The following EYA2 variants were observed in gnomAD, a reference collection of about 807,000 sequenced individuals.
EYA2 encodes protein phosphatase EYA2.
EYA2 carries 31 observed loss-of-function variants against 69.2 expected under a neutral mutation model. That is an observed-to-expected ratio of 0.45 (90% CI 0.34 to 0.60). EYA2 has a LOEUF of 0.60. Ranked by LOEUF, EYA2 falls within the 20% of genes least tolerant of loss-of-function variation. The pLI is 0.02. For missense variants in EYA2, 622 were observed against 701.2 expected, an observed-to-expected ratio of 0.89 and a Z score of 1.28; for synonymous variants, 257 against 279.4, an observed-to-expected ratio of 0.92 and a Z score of 0.80.
chr20:46,930,803 T>C (rs922847125), intron 1 of EYA2, among the ~76,000 whole-genome samples: 5 of 152,224 alleles, frequency 3.3e-5, no homozygotes, highest in Non-Finnish European at 5.9e-5. Context: ...TTTGGACGCG[T>C]TGACTCTGTG....
chr20:46,931,908 A>G (rs537069982), intron 1 of EYA2, among the ~76,000 whole-genome samples: 10 of 151,662 alleles, frequency 6.6e-5, no homozygotes, highest in African/African-American at 2.4e-4. Context: ...GTCTTTGCAC[A>G]TGGAAGAGAT....
chr20:46,992,808 C>A (rs768450813), intron 2 of EYA2, among the ~76,000 whole-genome samples: 2 of 152,194 alleles, frequency 1.3e-5, no homozygotes, highest in African/African-American at 2.4e-5. Context: ...CACACACTTT[C>A]TTTCTCATGG....
At chr20:47,173,249 A>G (rs2034361576) in intron 12 of EYA2, among the ~76,000 whole-genome samples, 1 of 151,998 alleles carries the variant, frequency 6.6e-6, no homozygotes, top group Non-Finnish European at 1.5e-5. Context: ...GGCCTAGCAA[A>G]TCTGAAACTC....
At chr20:46,970,212 C>T (rs188215453) in intron 1 of EYA2, among the ~76,000 whole-genome samples, 62 of 152,288 alleles carry the variant, frequency 4.1e-4, no homozygotes, top group Non-Finnish European at 6.5e-4. Flanking sequence ...AAATCCAGAG[C>T]GAATGTGAAT....
intron 5 of EYA2, among the ~76,000 whole-genome samples, chr20:47,033,979 G>A (rs1353481293): frequency 3.3e-5 from 5 of 152,230 alleles, no homozygotes. Flanking sequence ...GTCACATAGT[G>A]AGGAAGTCAT....
intron 1 of EYA2, among the ~76,000 whole-genome samples, chr20:46,963,414 C>A (rs1377098403): frequency 6.6e-6 from 1 of 152,188 alleles, no homozygotes; most frequent in East Asian, 1.9e-4. Context: ...CCGTGCCAAG[C>A]CCTGGGGACA....
chr20:47,147,393 G>A (rs959413996), intron 10 of EYA2, among the ~76,000 whole-genome samples: 1 of 152,172 alleles, frequency 6.6e-6, no homozygotes, highest in Admixed American at 6.5e-5. Context: ...AGGAGGTGGA[G>A]GAGGAGGCCA....
At chr20:47,087,400 C>A (rs1228530623) in intron 7 of EYA2, among the ~76,000 whole-genome samples, 5 of 152,160 alleles carry the variant, frequency 3.3e-5, no homozygotes, top group Non-Finnish European at 5.9e-5. Context: ...GGGATGTCCT[C>A]GAAGGTTCAC....
chr20:46,910,585 G>A (rs1315644996), intron 1 of EYA2, among the ~76,000 whole-genome samples: 1 of 152,212 alleles, frequency 6.6e-6, no homozygotes, highest in African/African-American at 2.4e-5. Flanking sequence ...ATCACTAGGA[G>A]TAGAAGGGTT....
At chr20:47,002,552 CTGCATAGTATTCTATGGT>C (rs1982446395) in intron 3 of EYA2, among the ~76,000 whole-genome samples, 1 of 152,234 alleles carries the variant, frequency 6.6e-6, no homozygotes, top group Non-Finnish European at 1.5e-5. Flanking sequence ...CTTTTTATGG[CTGCATAGTATTCTATGGT>C]GTATCTGTAC....
At chr20:46,986,525 T>C (rs1981229364) in intron 1 of EYA2, among the ~76,000 whole-genome samples, 1 of 134,482 alleles carries the variant, frequency 7.4e-6, no homozygotes, top group African/African-American at 2.7e-5. Flanking sequence ...AGCTGATTTG[T>C]GTATTAGCCC....
chr20:47,179,363 T>C lies in EYA2; in HGVS notation c.1199-435T>C, dbSNP rs141784479. ...ATTGATGGGTGGGTGGGTGGATAGA[T>C]GGATGGTTGGATATTGGGTGGATGG... On this transcript the variant is annotated intron_variant, in intron 12 of 15. Transcript: ENST00000327619. 4.8e-3 allele frequency among the ~76,000 whole-genome samples: 602 copies of C among 124,138 alleles called. 9 individuals are homozygous for C. The highest frequency in any genetic ancestry group is 0.018 in the African/African-American group (579 of 31,474). The allele number at this position is 124,138 out of a possible 152,430, so 81.4% of individuals were successfully genotyped here.
At chr20:47,133,947 A>G (rs1358620417) in intron 9 of EYA2, among the ~76,000 whole-genome samples, 1 of 152,246 alleles carries the variant, frequency 6.6e-6, no homozygotes, top group African/African-American at 2.4e-5. Context: ...AGCCTAAACT[A>G]TCTCAAGTGG....
Position 47,052,058 on chromosome 20 carries a change from C to T in EYA2, c.416-20127C>T, listed in dbSNP as rs577575370. Reference sequence around the variant, plus strand: ...GAACAAAACAGATACTCCTTTTTTTCCCCCCAGAAATTATTTCTTGAGAGC... The same window carrying T: ...GAACAAAACAGATACTCCTTTTTTTTCCCCCAGAAATTATTTCTTGAGAGC... On this transcript the variant is annotated intron_variant, in intron 5 of 15. Coordinates refer to ENST00000327619, the MANE Select transcript of EYA2 (RefSeq NM_005244.5). Among the ~76,000 whole-genome samples, 120 of 151,954 alleles carry T rather than the reference C, an allele frequency of 7.9e-4. 1 individual carries two copies. Among genetic ancestry groups the T allele is most frequent in the African/African-American group, 1.3e-3 (54 of 41,464 alleles).
intron 2 of EYA2, among the ~76,000 whole-genome samples, chr20:46,990,501 A>G (rs776360840): frequency 1.3e-5 from 2 of 152,192 alleles, no homozygotes; most frequent in Admixed American, 1.3e-4. Context: ...CCCTTGTCCA[A>G]GCAGGCGTCT....
At chr20:47,173,101 C>T (rs190240512) in intron 12 of EYA2, among the ~76,000 whole-genome samples, 176 of 152,214 alleles carry the variant, frequency 1.2e-3, no homozygotes, top group African/African-American at 4.1e-3. Flanking sequence ...TCCTTCAGGC[C>T]ACAAATGGCG....
At chr20:46,995,556 T>G (rs1014151116) in intron 2 of EYA2, among the ~76,000 whole-genome samples, 1 of 152,150 alleles carries the variant, frequency 6.6e-6, no homozygotes, top group African/African-American at 2.4e-5. Flanking sequence ...GGGAGTGATT[T>G]AAATCACCCA....
chr20:47,132,429 CT>C (rs2033364871), intron 9 of EYA2, among the ~76,000 whole-genome samples: 1 of 152,202 alleles, frequency 6.6e-6, no homozygotes, highest in Non-Finnish European at 1.5e-5. Flanking sequence ...CTGTTGGAAG[CT>C]TCTGAATGCT....
At chr20:47,012,818 C>T (rs1456365256) in intron 4 of EYA2, among the ~76,000 whole-genome samples, 2 of 152,174 alleles carry the variant, frequency 1.3e-5, no homozygotes, top group Non-Finnish European at 2.9e-5. Context: ...TAAAAACATA[C>T]TAAATACAAG....
Sources: allele counts gnomAD v4.1 joint callset (sites outside exome capture counted in the v4.1 genomes callset), GRCh38; gene constraint gnomAD v4.1.1; transcripts MANE v1.5; gene names NCBI Gene and HGNC (gene_info 2026-07-23, HGNC 2026-07-21).